Variants in JMJD1C observed in about 807,000 individuals in gnomAD.
The protein encoded by JMJD1C is jumonji domain-containing protein 1C.
JMJD1C carries 31 observed loss-of-function variants against 245.3 expected under a neutral mutation model. That is an observed-to-expected ratio of 0.13 (90% CI 0.09 to 0.17). JMJD1C has a LOEUF of 0.17. JMJD1C is among the 10% of genes least tolerant of loss of function. JMJD1C has a pLI of 1.00. For synonymous variants in JMJD1C, 1,057 were observed against 1,017.4 expected (o/e 1.04, Z -0.74); for missense variants, 2,691 against 3,000.2 (o/e 0.90, Z 2.41).
At chr10:63,237,044 T>C (rs529519659) in intron 3 of JMJD1C, among the ~76,000 whole-genome samples, 1 of 152,306 alleles carries the variant, frequency 6.6e-6, no homozygotes, top group Admixed American at 6.5e-5. Flanking sequence ...TGTTTTGTTT[T>C]GTTTTGTTTT....
At chr10:63,180,171 C>G (rs1479451155) in intron 22 of JMJD1C, among the ~76,000 whole-genome samples, 1 of 152,048 alleles carries the variant, frequency 6.6e-6, no homozygotes, top group Non-Finnish European at 1.5e-5. Flanking sequence ...CCATGCCCAG[C>G]TAATTTTTCT....
chr10:63,392,924 TAAAC>T lies in JMJD1C; in HGVS notation c.169-12446_169-12443del, dbSNP rs531169155. 3.0e-3 allele frequency among the ~76,000 whole-genome samples: 298 copies of T among 99,120 alleles called. 1 individual carries two copies. Among genetic ancestry groups the T allele is most frequent in the South Asian group, 5.3e-3 (15 of 2,828 alleles). 65.0% of individuals were successfully genotyped at this position (99,120 alleles called of 152,430 possible). A position where few individuals can be genotyped will look rare whatever the true frequency, so the allele number is the denominator to read the frequency against. On this transcript the variant is annotated intron_variant, in intron 1 of 25. Coordinates refer to ENST00000399262, the MANE Select transcript of JMJD1C (RefSeq NM_032776.3). ...CACACACACACGTGAGCAAAGGACA[TAAAC>T]AGACATTTCTCAAAAGACAACATAC...
At chr10:63,485,178 A>G (rs1416300510) in intron 1 of JMJD1C, among the ~76,000 whole-genome samples, 1 of 152,110 alleles carries the variant, frequency 6.6e-6, no homozygotes, top group East Asian at 1.9e-4. Flanking sequence ...TGCCAGGCAT[A>G]TAAGTGCAGA....
In JMJD1C at chr10:63,465,643, G is replaced by T; in HGVS notation, c.20C>A (p.Ala7Glu). ...CAGGAACCGCTTACCCACCAGCTCT[G>T]CCCGCGTCTCTACCGCCATAGCTGT... Reference protein sequence around the residue: MAVETRAELVGKRFLCV... With the variant: MAVETREELVGKRFLCV... The change falls in exon 1 of 26, where the codon GCA becomes GAA. Residue 7 changes from alanine to glutamate, a missense_variant. Around this residue, in one of 9 missense-constraint regions of JMJD1C, gnomAD observed 135 missense variants for 115.5 expected, o/e 1.17. Transcript: ENST00000399262. 1 of 1,609,448 alleles carries T rather than the reference G, an allele frequency of 6.2e-7. No homozygotes were observed. The highest frequency in any genetic ancestry group is 8.5e-7 in the Non-Finnish European group (1 of 1,179,856).
intron 1 of JMJD1C, among the ~76,000 whole-genome samples, chr10:63,494,946 C>T (rs1157202418): frequency 6.6e-6 from 1 of 152,166 alleles, no homozygotes; most frequent in Non-Finnish European, 1.5e-5. Flanking sequence ...TCCTTGATGT[C>T]CCACTTCCCT....
chr10:63,414,555 C>T (rs184322378), intron 1 of JMJD1C, among the ~76,000 whole-genome samples: 161 of 151,974 alleles, frequency 1.1e-3, no homozygotes, highest in African/African-American at 3.8e-3. Flanking sequence ...CAAGAAAAAT[C>T]GAGATGCAAG....
intron 13 of JMJD1C, among the ~76,000 whole-genome samples, chr10:63,196,051 G>T (rs904986592): frequency 1.3e-5 from 2 of 152,192 alleles, no homozygotes; most frequent in Admixed American, 1.3e-4. Flanking sequence ...GGAGGCTGAG[G>T]TCAGGAGTTT....
intron 2 of JMJD1C, among the ~76,000 whole-genome samples, chr10:63,275,719 A>C (rs541205575): frequency 6.6e-6 from 1 of 152,324 alleles, no homozygotes; most frequent in South Asian, 2.1e-4. Flanking sequence ...AAGTAACATA[A>C]TTATATTTGA....
intron 1 of JMJD1C, among the ~76,000 whole-genome samples, chr10:63,384,206 C>T (rs1329698964): frequency 6.6e-6 from 1 of 152,182 alleles, no homozygotes; most frequent in African/African-American, 2.4e-5. Context: ...GATATATCTA[C>T]CACATCTGCA....
intron 11 of JMJD1C, 138 bp downstream of exon 11, chr10:63,200,338 C>G (rs762606052): frequency 1.5e-5 from 10 of 650,744 alleles, no homozygotes; most frequent in Non-Finnish European, 2.6e-5. Flanking sequence ...CATTTAATAA[C>G]TCTTTTATAA....
upstream of JMJD1C, among the ~76,000 whole-genome samples, chr10:63,469,580 C>T (rs527620216): frequency 3.6e-4 from 55 of 152,196 alleles, no homozygotes; most frequent in African/African-American, 1.3e-3. Context: ...GGAGATAGGA[C>T]CTTTATCCTT....
At chr10:63,459,664 G>A (rs956308638) in intron 1 of JMJD1C, among the ~76,000 whole-genome samples, 2 of 152,106 alleles carry the variant, frequency 1.3e-5, no homozygotes, top group African/African-American at 4.8e-5. Flanking sequence ...AGTATGACAA[G>A]ACTCTAACGT....
At chr10:63,395,341 G>C (rs749964359) in intron 1 of JMJD1C, among the ~76,000 whole-genome samples, 1 of 152,112 alleles carries the variant, frequency 6.6e-6, no homozygotes, top group Non-Finnish European at 1.5e-5. Flanking sequence ...AGCCGGGTGT[G>C]GTGGCGGATG....
In JMJD1C at chr10:63,189,381, G is replaced by C; in HGVS notation, c.6357C>G (p.Asn2119Lys). Residue 2119 changes from asparagine to lysine, a missense_variant, in exon 18 of 26, where the codon AAC (asparagine) becomes AAG (lysine). Around this residue, in one of 9 missense-constraint regions of JMJD1C, gnomAD observed 275 missense variants for 285.5 expected, o/e 0.96. Transcript: ENST00000399262. ...LDDIIASVVE[N>K]KIPPSKTSKI... is the part of the protein sequence containing the mutation. ...TGGAGGTTTTACTTGGTGGAATTTT[G>C]TTTTCAACAACTGAAGCAATTATGT... The C allele has an allele frequency of 6.2e-7, 1 of 1,613,520 alleles. No individual in the cohort carries two copies. The highest frequency in any genetic ancestry group is 8.5e-7 in the Non-Finnish European group (1 of 1,179,752).
At position 63,414,837 on chromosome 10, in the gene JMJD1C, G is replaced by T. The variant is rs560960441; in HGVS notation, c.169-34355C>A. ...CAGGAGAATCACTTGAACCCAGGAG[G>T]CAGAGGCTGCAGTGAGCTGAGATCA... On this transcript the variant is annotated intron_variant, in intron 1 of 25. Transcript: ENST00000399262. Among the ~76,000 whole-genome samples the T allele has an allele frequency of 1.5e-4, 22 of 151,562 alleles. No individual in the cohort carries two copies. The East Asian group carries it at 3.9e-3, about 27-fold the overall frequency.
chr10:63,465,561 C>T lies in JMJD1C; in HGVS notation c.102G>A (p.Trp34Ter). 1 of 1,606,366 alleles carries T rather than the reference C, an allele frequency of 6.2e-7. No individual in the cohort carries two copies. The highest frequency in any genetic ancestry group is 1.1e-5 in the South Asian group (1 of 90,804). The change falls in exon 1 of 26, where the codon TGG (tryptophan) becomes TGA (stop). Residue 34 changes from tryptophan (W) to a stop codon, truncating the protein, a stop_gained. Transcript: ENST00000399262. LOFTEE classifies it high-confidence loss of function. ...RSERWESGRG[W>*]RSWRAGVIRA... ...GGATGACCCCCGCTCGCCAGCTTCG[C>T]CAGCCGCGTCCGCTCTCCCAGCGCT...
chr10:63,497,044 G>C (rs1243490240), intron 1 of JMJD1C, among the ~76,000 whole-genome samples: 1 of 152,136 alleles, frequency 6.6e-6, no homozygotes, highest in African/African-American at 2.4e-5. Flanking sequence ...TGTTAGTGCA[G>C]CATAACCTGG....
intron 2 of JMJD1C, among the ~76,000 whole-genome samples, chr10:63,332,711 A>T (rs988512184): frequency 6.6e-6 from 1 of 152,268 alleles, no homozygotes; most frequent in African/African-American, 2.4e-5. Context: ...AAAAGTAATA[A>T]TCATCTCTAT....
intron 2 of JMJD1C, among the ~76,000 whole-genome samples, chr10:63,302,737 A>T (rs527722222): frequency 6.6e-6 from 1 of 152,234 alleles, no homozygotes; most frequent in Non-Finnish European, 1.5e-5. Context: ...CTCTAGCACA[A>T]GCTGGACTTA....
Sources: gnomAD v4.1 joint callset for allele counts (sites outside exome capture counted in the v4.1 genomes callset) on GRCh38, gnomAD v4.1.1 for gene constraint, gnomAD v4.1.1 regional missense constraint, MANE v1.5 for transcripts, NCBI Gene and HGNC (gene_info 2026-07-23, HGNC 2026-07-21) for gene names.